The following CACNA1D variants were observed in gnomAD, a reference collection of about 807,000 sequenced individuals.
CACNA1D encodes the protein calcium voltage-gated channel subunit alpha1 D.
CACNA1D carries 55 observed loss-of-function variants against 257.1 expected under a neutral mutation model. That is an observed-to-expected ratio of 0.21 (90% CI 0.17 to 0.27). The LOEUF is 0.27. Among genes scored for constraint, CACNA1D ranks in the 10% least tolerant of loss-of-function variants. CACNA1D has a pLI of 1.00. For missense variants in CACNA1D, 1,876 were observed against 2,784.0 expected, an observed-to-expected ratio of 0.67 and a Z score of 7.34; for synonymous variants, 980 against 1,014.9, an observed-to-expected ratio of 0.97 and a Z score of 0.65.
chr3:53,788,629 C>T (rs2095468663), intron 40 of CACNA1D, among the ~76,000 whole-genome samples: 1 of 152,108 alleles, frequency 6.6e-6, no homozygotes, highest in Non-Finnish European at 1.5e-5. Context: ...GCAGGCTTGT[C>T]CTTAAAGGAG....
chr3:53,700,831 A>T (rs2094617632), intron 8 of CACNA1D, among the ~76,000 whole-genome samples: 1 of 145,510 alleles, frequency 6.9e-6, no homozygotes, highest in African/African-American at 2.6e-5. Context: ...TATGAGAGGG[A>T]TCCTTTCTTT....
At chr3:53,500,675 C>A (rs2090562628) in intron 2 of CACNA1D, among the ~76,000 whole-genome samples, 1 of 152,138 alleles carries the variant, frequency 6.6e-6, no homozygotes, top group South Asian at 2.1e-4. Context: ...GCTCACAAAA[C>A]CTTGTATTTG....
At chr3:53,541,460 G>A (rs752107100) in intron 3 of CACNA1D, among the ~76,000 whole-genome samples, 48 of 152,112 alleles carry the variant, frequency 3.2e-4, no homozygotes, top group Admixed American at 1.4e-3. Context: ...GAGAGCCTGC[G>A]CTTGTGTGGA....
chr3:53,713,148 C>G (rs2108650288), intron 9 of CACNA1D, among the ~76,000 whole-genome samples: 1 of 152,292 alleles, frequency 6.6e-6, no homozygotes, highest in Middle Eastern at 3.4e-3. Flanking sequence ...CCTTGCAGAG[C>G]TGGGGGAATG....
intron 9 of CACNA1D, among the ~76,000 whole-genome samples, chr3:53,710,021 C>T (rs376473118): frequency 4.7e-4 from 71 of 152,268 alleles, no homozygotes; most frequent in African/African-American, 1.5e-3. Flanking sequence ...TGTCCTGTCC[C>T]ATATGGTAGT....
chr3:53,568,380 C>T (rs77750129), intron 3 of CACNA1D, among the ~76,000 whole-genome samples: 3,290 of 152,258 alleles, frequency 0.022, 116 homozygotes, highest in African/African-American at 0.074. Context: ...TCCTCTCTCC[C>T]GAAACCTCCA....
chr3:53,797,832 G>A (rs1004813786), intron 40 of CACNA1D: 1 of 152,176 alleles, frequency 6.6e-6, no homozygotes, highest in Non-Finnish European at 1.5e-5. Context: ...ATTATATGTT[G>A]TTTAAACTTG....
Position 53,800,677 on chromosome 3 carries a change from C to G in CACNA1D, c.5040+312C>G. The G allele has an allele frequency of 2.0e-6, 1 of 496,204 alleles. No homozygotes were observed. The highest frequency in any genetic ancestry group is 3.9e-5 in the East Asian group (1 of 25,652). The allele number at this position is 496,204 out of a possible 1,614,324, so 30.7% of individuals were successfully genotyped here. The stretch of plus-strand genomic sequence containing the variant: ...TCCTTCCGGCAGCTGCCTTTGCTAC[C>G]CTCCTCCTTCCCGGGCCAGCTCTTT... On this transcript the variant is annotated intron_variant, in intron 41 of 47. Coordinates refer to ENST00000350061, the MANE Select transcript of CACNA1D (RefSeq NM_001128840.3). The surrounding 1 kb of genome is among the most constrained non-coding windows in gnomAD (Gnocchi z 4.3).
chr3:53,601,032 G>C (rs1461799871), intron 3 of CACNA1D, among the ~76,000 whole-genome samples: 1 of 152,196 alleles, frequency 6.6e-6, no homozygotes, highest in Non-Finnish European at 1.5e-5. Flanking sequence ...GGTGTTAGGA[G>C]AGAAATGATC....
At chr3:53,694,583 G>A (rs1317497882) in intron 8 of CACNA1D, among the ~76,000 whole-genome samples, 1 of 152,192 alleles carries the variant, frequency 6.6e-6, no homozygotes, top group Non-Finnish European at 1.5e-5. Context: ...CTCCGTGTTG[G>A]CCTTTGTGAA....
intron 3 of CACNA1D, among the ~76,000 whole-genome samples, chr3:53,576,073 G>T (rs2093032273): frequency 6.6e-6 from 1 of 152,178 alleles, no homozygotes; most frequent in African/African-American, 2.4e-5. Context: ...ACAAGACGCT[G>T]ATGGTGTTGG....
chr3:53,657,888 A>G (rs966726653), intron 4 of CACNA1D, among the ~76,000 whole-genome samples: 1 of 152,270 alleles, frequency 6.6e-6, no homozygotes, highest in Admixed American at 6.5e-5. Context: ...TGACCACAAG[A>G]GGACTCAGTG....
chr3:53,741,985 T>C (rs2095122643), intron 21 of CACNA1D, among the ~76,000 whole-genome samples: 1 of 152,234 alleles, frequency 6.6e-6, no homozygotes, highest in African/African-American at 2.4e-5. Flanking sequence ...TCTGAGTCAT[T>C]CTTCATTTTG....
intron 3 of CACNA1D, among the ~76,000 whole-genome samples, chr3:53,597,912 G>C (rs1282545425): frequency 6.6e-6 from 1 of 152,172 alleles, no homozygotes; most frequent in Non-Finnish European, 1.5e-5. Context: ...TGCAGATTTT[G>C]CCACTACAAG....
At position 53,747,325 on chromosome 3, in the gene CACNA1D, A is replaced by G; in HGVS notation, c.3191A>G (p.Asp1064Gly). The change falls in exon 26 of 48, where the codon GAT (aspartate) becomes GGT (glycine). Residue 1064 changes from aspartate to glycine, a missense_variant. Coordinates refer to ENST00000350061, the MANE Select transcript of CACNA1D (RefSeq NM_001128840.3). ...ECRGLFILYK[D>G]GDVDSPVVRE... Reference sequence around the variant, plus strand: ...AGGGGACTTTTCATCCTCTACAAGGATGGGGATGTTGACAGTCCTGTGGTC... The same window carrying G: ...AGGGGACTTTTCATCCTCTACAAGGGTGGGGATGTTGACAGTCCTGTGGTC... 3 of 1,614,066 alleles carry G rather than the reference A, an allele frequency of 1.9e-6. No individual in the cohort carries two copies. The highest frequency in any genetic ancestry group is 2.5e-6 in the Non-Finnish European group (3 of 1,179,948).
intron 9 of CACNA1D, chr3:53,710,411 C>G (rs764296880): frequency 4.4e-6 from 2 of 456,680 alleles, no homozygotes; most frequent in South Asian, 3.1e-5. Context: ...CAGTGGCCGA[C>G]TTGCTTAAAG....
At chr3:53,746,671 A>T (rs967884862) in intron 25 of CACNA1D, among the ~76,000 whole-genome samples, 1 of 152,204 alleles carries the variant, frequency 6.6e-6, no homozygotes, top group African/African-American at 2.4e-5. Flanking sequence ...CACACCGTTC[A>T]TGGCGTCCCT....
At chr3:53,718,601 C>CCCCCCCCAAAAAAA in intron 10 of CACNA1D, 1 of 1,103,188 alleles carries the variant, frequency 9.1e-7, no homozygotes, top group Non-Finnish European at 1.3e-6. Context: ...CCCCCCGGCC[C>CCCCCCCCAAAAAAA]AGCATTTCAC....
rs376476923 is a variant in CACNA1D, at chr3:53,749,516, G to A, written c.3516+47G>A. The A allele has an allele frequency of 3.0e-6, 4 of 1,343,238 alleles. No individual in the cohort carries two copies. The East Asian group carries it at 6.9e-5, about 23-fold the overall frequency. The allele number at this position is 1,343,238 out of a possible 1,614,324, so 83.2% of individuals were successfully genotyped here. On this transcript the variant is annotated intron_variant, in intron 27 of 47. Coordinates refer to ENST00000350061, the MANE Select transcript of CACNA1D (RefSeq NM_001128840.3). The stretch of plus-strand genomic sequence containing the variant: ...GGCTTCTGTCCCTTGGTCAGGAGCG[G>A]AGTGCCTTCTTTATTGACTGATTTC...
Sources: gnomAD v4.1 joint callset for allele counts (sites outside exome capture counted in the v4.1 genomes callset) on GRCh38, gnomAD v4.1.1 for gene constraint, Gnocchi (gnomAD v3.1) non-coding constraint, MANE v1.5 for transcripts, NCBI Gene and HGNC (gene_info 2026-07-23, HGNC 2026-07-21) for gene names.